JAKMIP1: variants seen among roughly 807,000 people sequenced by gnomAD.
JAKMIP1 encodes janus kinase and microtubule interacting protein 1, also known as janus kinase and microtubule-interacting protein 1.
JAKMIP1 carries 33 observed loss-of-function variants against 113.0 expected under a neutral mutation model. That is an observed-to-expected ratio of 0.29 (90% CI 0.22 to 0.39). The LOEUF (loss-of-function observed/expected upper bound fraction) is 0.39. JAKMIP1 is among the 10% of genes least tolerant of loss of function. The pLI, the probability that JAKMIP1 is intolerant of heterozygous loss-of-function variation, is 1.00. For synonymous variants in JAKMIP1, 480 were observed against 459.9 expected, an observed-to-expected ratio of 1.04 and a Z score of -0.56; for missense variants, 813 against 1,080.5, an observed-to-expected ratio of 0.75 and a Z score of 3.47.
intron 20 of JAKMIP1, 115 bp from the exon 21 acceptor site, chr4:6,026,393 A>G (rs1711799728): frequency 1.5e-6 from 1 of 645,584 alleles, no homozygotes; most frequent in African/African-American, 1.8e-5. Flanking sequence ...TAGGACACTG[A>G]GTTGTTGGGT....
At position 6,105,746 on chromosome 4, in the gene JAKMIP1, C is replaced by T. The variant is rs748069967; in HGVS notation, c.351G>A (p.Leu117=). The change falls in exon 3 of 21, where the codon CTG becomes CTA. Residue 117 remains leucine (L), a synonymous_variant. Coordinates refer to ENST00000409021, the MANE Select transcript of JAKMIP1 (RefSeq NM_001099433.2). ...CGGCCGCGCCGTCGCGCAGCACGTT[C>T]AGCGTGGCCTGCAGCCGCTGCAGCT... ...EGELQRLQAT[L]NVLRDGAADK... is the part of the protein sequence containing the mutation. 3.7e-6 allele frequency: 6 copies of T among 1,602,624 alleles called. No homozygotes were observed. Among genetic ancestry groups the T allele is most frequent in the Non-Finnish European group, 4.2e-6 (5 of 1,177,982 alleles).
In JAKMIP1 at chr4:6,179,522, C is replaced by A. The variant is rs1188835707; in HGVS notation, c.-148+20731G>T. On this transcript the variant is annotated intron_variant, in intron 1 of 20. Transcript: ENST00000409021. This position sits in a 1 kb window ranked among gnomAD's most constrained non-coding sequence, Gnocchi z 4.5. The stretch of plus-strand genomic sequence containing the variant: ...GTCAAGGGACAACCCTACAAAGCCA[C>A]AAACCCACAGGAAACCAAGCCCATT... 6.6e-6 allele frequency among the ~76,000 whole-genome samples: 1 copy of A among 152,196 alleles called. No homozygotes were observed. Among genetic ancestry groups the A allele is most frequent in the Non-Finnish European group, 1.5e-5 (1 of 68,032 alleles).
intron 10 of JAKMIP1, among the ~76,000 whole-genome samples, chr4:6,062,084 T>G (rs577950382): frequency 6.6e-6 from 1 of 152,356 alleles, no homozygotes; most frequent in South Asian, 2.1e-4. Flanking sequence ...AGGTGATATG[T>G]AGCGTTGCTT....
intron 3 of JAKMIP1, among the ~76,000 whole-genome samples, chr4:6,092,222 G>A (rs1252313538): frequency 6.6e-6 from 1 of 152,144 alleles, no homozygotes; most frequent in Non-Finnish European, 1.5e-5. Context: ...TGGAATCCCG[G>A]CCAGCCCACA....
chr4:6,112,598 G>A (rs964586126), intron 2 of JAKMIP1, 124 bp downstream of exon 2: 5 of 1,147,572 alleles, frequency 4.4e-6, no homozygotes, highest in Admixed American at 1.9e-5. Context: ...GCAGGGCAGA[G>A]AGGTGAAGTG....
rs1481097788 is a variant in JAKMIP1 at position 6,139,935 on chromosome 4, A to G, written c.-147-26938T>C. 6.6e-6 allele frequency among the ~76,000 whole-genome samples: 1 copy of G among 152,086 alleles called. No homozygotes were observed. The highest frequency in any genetic ancestry group is 1.5e-5 in the Non-Finnish European group (1 of 68,026). On this transcript the variant is annotated intron_variant, in intron 1 of 20. Coordinates refer to ENST00000409021, the MANE Select transcript of JAKMIP1 (RefSeq NM_001099433.2). The surrounding 1 kb of genome is among the most constrained non-coding windows in gnomAD (Gnocchi z 5.2). The stretch of plus-strand genomic sequence containing the variant: ...ACCAAAGCACAGGAAGCCAGGGGAG[A>G]GGCCTGGGGCAGAGTCCCCTCGCAG...
rs1271620225 is a variant in JAKMIP1, at chr4:6,065,026, TATG to T, written c.1303-21_1303-19del. The T allele has an allele frequency of 6.2e-7, 1 of 1,613,950 alleles. No individual in the cohort carries two copies. Among genetic ancestry groups the T allele is most frequent in the Non-Finnish European group, 8.5e-7 (1 of 1,180,004 alleles). Reference sequence around the variant, plus strand: ...ACATGCTTCTGTAAAACGCAATTTGTATGATGTTAGCAACGACTGAGGATTGCC... The same window carrying T: ...ACATGCTTCTGTAAAACGCAATTTGTATGTTAGCAACGACTGAGGATTGCC... On this transcript the variant is annotated intron_variant, in intron 8 of 20. Coordinates refer to ENST00000409021, the MANE Select transcript of JAKMIP1 (RefSeq NM_001099433.2). The surrounding 1 kb of genome is among the most constrained non-coding windows in gnomAD (Gnocchi z 5.1).
chr4:6,061,054 G>A lies in JAKMIP1; in HGVS notation c.1561-547C>T, dbSNP rs6826427. Among the ~76,000 whole-genome samples, 32,754 of 152,136 alleles carry A rather than the reference G, an allele frequency of 0.22. 5,558 individuals are homozygous for A. Among genetic ancestry groups the A allele is most frequent in the African/African-American group, 0.47 (19,670 of 41,448 alleles). On this transcript the variant is annotated intron_variant, in intron 10 of 20. Transcript: ENST00000409021. This position sits in a 1 kb window ranked among gnomAD's most constrained non-coding sequence, Gnocchi z 5.3. Reference sequence around the variant, plus strand: ...GTAACAGGGAGTGGTGGGGACTGTGGCAAGCCAGAGGCACACGTCCCATCT... The same window carrying A: ...GTAACAGGGAGTGGTGGGGACTGTGACAAGCCAGAGGCACACGTCCCATCT...
At position 6,129,563 on chromosome 4, in the gene JAKMIP1, C is replaced by A. The variant is rs1457256111; in HGVS notation, c.-147-16566G>T. 3.3e-5 allele frequency among the ~76,000 whole-genome samples: 5 copies of A among 152,092 alleles called. No homozygotes were observed. The highest frequency in any genetic ancestry group is 5.9e-5 in the Non-Finnish European group (4 of 68,006). On this transcript the variant is annotated intron_variant, in intron 1 of 20. Coordinates refer to ENST00000409021, the MANE Select transcript of JAKMIP1 (RefSeq NM_001099433.2). The surrounding 1 kb of genome is among the most constrained non-coding windows in gnomAD (Gnocchi z 5.4). ...CCATGCTGGTACAGGGACCAGGATA[C>A]CAAGCAGGACCCACCGTGCCCTGCC...
chr4:6,059,544 G>C lies in JAKMIP1; in HGVS notation c.1644+880C>G, dbSNP rs553930296. ...AGGGGTGGGGGCCACCAGACACTCC[G>C]TCTGCCCACACCCTCCTTGGCACCC... On this transcript the variant is annotated intron_variant, in intron 11 of 20. Transcript: ENST00000409021. The surrounding 1 kb of genome is among the most constrained non-coding windows in gnomAD (Gnocchi z 4.8). Among the ~76,000 whole-genome samples the C allele has an allele frequency of 6.6e-6, 1 of 152,048 alleles. No homozygotes were observed. Among genetic ancestry groups the C allele is most frequent in the Non-Finnish European group, 1.5e-5 (1 of 68,018 alleles).
At chr4:6,198,524 A>C (rs1363928957) in intron 1 of JAKMIP1, among the ~76,000 whole-genome samples, 1 of 152,164 alleles carries the variant, frequency 6.6e-6, no homozygotes, top group African/African-American at 2.4e-5. Context: ...CATCTCATGC[A>C]TTGGGTCCAC....
chr4:6,196,918 C>T (rs1727915219), intron 1 of JAKMIP1, among the ~76,000 whole-genome samples: 1 of 152,050 alleles, frequency 6.6e-6, no homozygotes, highest in Non-Finnish European at 1.5e-5. Context: ...TCATGCCATC[C>T]CTGTTGGAAG....
intron 1 of JAKMIP1, among the ~76,000 whole-genome samples, chr4:6,130,842 G>GA (rs766932923): frequency 6.6e-6 from 1 of 151,230 alleles, no homozygotes; most frequent in Non-Finnish European, 1.5e-5. Flanking sequence ...GGAAAGCAAT[G>GA]AAAAAAAAGA....
At chr4:6,122,225 C>T (rs1213454176) in intron 1 of JAKMIP1, among the ~76,000 whole-genome samples, 1 of 152,136 alleles carries the variant, frequency 6.6e-6, no homozygotes, top group Admixed American at 6.5e-5. Flanking sequence ...GTTCAGAAGG[C>T]CGAGGCAGGA....
Position 6,167,371 on chromosome 4 carries a change from C to T in JAKMIP1, c.-148+32882G>A, listed in dbSNP as rs79625529. ...TCCTCTGCTCTGGCCTGGACCACTC[C>T]AGCCACCTCCTCACTCACCACCCTA... On this transcript the variant is annotated intron_variant, in intron 1 of 20. Transcript: ENST00000409021. This position sits in a 1 kb window ranked among gnomAD's most constrained non-coding sequence, Gnocchi z 5.3. Among the ~76,000 whole-genome samples the T allele has an allele frequency of 0.033, 4,921 of 151,382 alleles. 260 individuals carry two copies. The highest frequency in any genetic ancestry group is 0.11 in the African/African-American group (4,624 of 41,252).
intron 2 of JAKMIP1, among the ~76,000 whole-genome samples, chr4:6,109,379 C>T (rs979566229): frequency 2.6e-5 from 4 of 151,928 alleles, no homozygotes; most frequent in South Asian, 2.1e-4. Flanking sequence ...ATTATCCGCC[C>T]GCCTTGGCCT....
chr4:6,081,013 A>ACACACACACACACACACACACACACC lies in JAKMIP1; in HGVS notation c.1101+595_1101+596insGGTGTGTGTGTGTGTGTGTGTGTGTG, dbSNP rs1454749071. ...CACACACACACACACACACACACACACCTGCATCTGCTACAGTGCAGACAG... is the reference window on the plus strand; with the variant it reads ...CACACACACACACACACACACACACACACACACACACACACACACACACACCCCTGCATCTGCTACAGTGCAGACAG... On this transcript the variant is annotated intron_variant, in intron 6 of 20. Coordinates refer to ENST00000409021, the MANE Select transcript of JAKMIP1 (RefSeq NM_001099433.2). The surrounding 1 kb of genome is among the most constrained non-coding windows in gnomAD (Gnocchi z 4.6). Among the ~76,000 whole-genome samples the ACACACACACACACACACACACACACC allele has an allele frequency of 6.6e-6, 1 of 151,154 alleles. No individual in the cohort carries two copies. Among genetic ancestry groups the ACACACACACACACACACACACACACC allele is most frequent in the African/African-American group, 2.4e-5 (1 of 41,118 alleles).
rs1158661485 is a variant in JAKMIP1, at chr4:6,197,951, C to T, written c.-148+2302G>A. On this transcript the variant is annotated intron_variant, in intron 1 of 20. Coordinates refer to ENST00000409021, the MANE Select transcript of JAKMIP1 (RefSeq NM_001099433.2). This position sits in a 1 kb window ranked among gnomAD's most constrained non-coding sequence, Gnocchi z 6.5. Reference sequence around the variant, plus strand: ...TGGGGCCACGGTCCTGCCACTTCCTCGTGCAGCCTTCCTGGCCGGGCCGCC... The same window carrying T: ...TGGGGCCACGGTCCTGCCACTTCCTTGTGCAGCCTTCCTGGCCGGGCCGCC... 4.6e-5 allele frequency among the ~76,000 whole-genome samples: 7 copies of T among 152,232 alleles called. No homozygotes were observed. Among genetic ancestry groups the T allele is most frequent in the African/African-American group, 1.2e-4 (5 of 41,456 alleles).
In JAKMIP1 at chr4:6,089,434, T is replaced by G. The variant is rs1267218802; in HGVS notation, c.625-3805A>C. 2.0e-5 allele frequency among the ~76,000 whole-genome samples: 3 copies of G among 152,222 alleles called. No individual in the cohort carries two copies. The highest frequency in any genetic ancestry group is 7.2e-5 in the African/African-American group (3 of 41,462). On this transcript the variant is annotated intron_variant, in intron 3 of 20. Coordinates refer to ENST00000409021, the MANE Select transcript of JAKMIP1 (RefSeq NM_001099433.2). The surrounding 1 kb of genome is among the most constrained non-coding windows in gnomAD (Gnocchi z 5.3). ...GCGTGAGCTAGGTACTCATTTGTAC[T>G]TAAGAGACACTCTCTGAGTCTTTAA...
Sources: allele counts gnomAD v4.1 joint callset (sites outside exome capture counted in the v4.1 genomes callset), GRCh38; gene constraint gnomAD v4.1.1; non-coding constraint Gnocchi (gnomAD v3.1); transcripts MANE v1.5; gene names NCBI Gene and HGNC (gene_info 2026-07-23, HGNC 2026-07-21).